Variants in PHRF1 observed in about 807,000 individuals in gnomAD.
The protein encoded by PHRF1 is PHD and ring finger domains 1, also known as PHD and RING finger domain-containing protein 1.
Under a neutral mutation model 128.9 loss-of-function variants are expected in PHRF1, and 53 were observed. That is an observed-to-expected ratio of 0.41 (90% CI 0.33 to 0.52). PHRF1 has a LOEUF of 0.52. Among genes scored for constraint, PHRF1 ranks in the 20% least tolerant of loss-of-function variants. PHRF1 has a pLI of 0.21. For synonymous variants in PHRF1, 1,178 were observed against 980.6 expected, an observed-to-expected ratio of 1.20 and a Z score of -3.76; for missense variants, 2,503 against 2,284.5, an observed-to-expected ratio of 1.10 and a Z score of -1.95.
intron 5 of PHRF1, 138 bp from the exon 6 acceptor site, chr11:592,421 G>GGGAGAC (rs1855029772): frequency 1.3e-6 from 1 of 781,746 alleles, no homozygotes; most frequent in African/African-American, 1.7e-5. Flanking sequence ...TACACGTGGA[G>GGGAGAC]GGAGACCCTC....
chr11:607,461 C>T lies in PHRF1; in HGVS notation c.2005C>T (p.Pro669Ser). ...TGTGGTGCCGGGGCCTCCCCTGAAG[C>T]CAGCGCCCAGAAGAACAGACATCTC... is the stretch of plus-strand genomic sequence containing the variant. ...RSVVPGPPLK[P>S]APRRTDISEL... The change falls in exon 14 of 18, where the codon CCA becomes TCA. Residue 669 changes from proline (P) to serine (S), a missense_variant. Coordinates refer to ENST00000264555, the MANE Select transcript of PHRF1 (RefSeq NM_001286581.2). 6.2e-7 allele frequency: 1 copy of T among 1,612,824 alleles called. No individual in the cohort carries two copies. The highest frequency in any genetic ancestry group is 1.7e-5 in the Admixed American group (1 of 60,024).
At chr11:579,941 G>A (rs1319052020) in intron 1 of PHRF1, among the ~76,000 whole-genome samples, 2 of 152,214 alleles carry the variant, frequency 1.3e-5, no homozygotes, top group East Asian at 1.9e-4. Flanking sequence ...TTTCCAGACA[G>A]CAGTGGCGCT....
chr11:590,792 C>T lies in PHRF1; in HGVS notation c.421-592C>T, dbSNP rs529604382. On this transcript the variant is annotated intron_variant, in intron 4 of 17. Transcript: ENST00000264555. Reference sequence around the variant, plus strand: ...CATCTCGGCTCACCGCAACCTCAGCCTCTCGGGTTCAAACGATTCTCCTGC... The same window carrying T: ...CATCTCGGCTCACCGCAACCTCAGCTTCTCGGGTTCAAACGATTCTCCTGC... Among the ~76,000 whole-genome samples the T allele has an allele frequency of 2.0e-5, 3 of 152,268 alleles. No individual in the cohort carries two copies. The South Asian group carries it at 6.2e-4, about 32-fold the overall frequency.
rs934433691 is a variant in PHRF1, at chr11:603,493, A to C, written c.1153-1626A>C. Among the ~76,000 whole-genome samples, 5 of 151,982 alleles carry C rather than the reference A, an allele frequency of 3.3e-5. 1 individual carries two copies. In the South Asian group the frequency reaches 1.0e-3, roughly 32 times the overall value. ...TGGGACCACAGGCTCACGCCACCTC[A>C]CCTAGCTAATTTTCTTTTTTTGGTG... On this transcript the variant is annotated intron_variant, in intron 10 of 17. Coordinates refer to ENST00000264555, the MANE Select transcript of PHRF1 (RefSeq NM_001286581.2).
Position 609,319 on chromosome 11 carries a change from C to T in PHRF1, c.3863C>T (p.Ser1288Leu), listed in dbSNP as rs769187852. 3.7e-6 allele frequency: 6 copies of T among 1,612,508 alleles called. No homozygotes were observed. The highest frequency in any genetic ancestry group is 1.1e-5 in the South Asian group (1 of 91,088). The change falls in exon 14 of 18, where the codon TCG becomes TTG. Residue 1288 changes from serine to leucine, a missense_variant. Coordinates refer to ENST00000264555, the MANE Select transcript of PHRF1 (RefSeq NM_001286581.2). The stretch of plus-strand genomic sequence containing the variant: ...TTCATCCAGCTCGATGACATGAGCT[C>T]GCCACCTTCTCCCGAAAGCACAGAC... ...AVFIQLDDMSSPPSPESTDSS... is the reference protein window; with the variant it reads ...AVFIQLDDMSLPPSPESTDSS...
chr11:579,254 C>T lies in PHRF1; in HGVS notation c.-21-2238C>T, dbSNP rs72841255. On this transcript the variant is annotated intron_variant, in intron 1 of 17. Transcript: ENST00000264555. ...CCTGCTCCTCCCCCCAGCCCTGCTC[C>T]TCCCCCCAGCCCTGCTCTGTTATCT... 1.7e-3 allele frequency among the ~76,000 whole-genome samples: 247 copies of T among 149,552 alleles called. 2 individuals carry two copies. Among genetic ancestry groups the T allele is most frequent in the Middle Eastern group, 6.8e-3 (2 of 292 alleles).
Position 608,637 on chromosome 11 carries a change from A to C in PHRF1, c.3181A>C (p.Ser1061Arg). Reference protein sequence around the residue: ...SRRSSSDRSSSRERAKRKKAK... With the variant: ...SRRSSSDRSSRRERAKRKKAK... ...GCGGTCCTCCAGTGACCGCTCCAGCAGCCGAGAGCGAGCTAAGAGGAAGAA... is the reference window on the plus strand; with the variant it reads ...GCGGTCCTCCAGTGACCGCTCCAGCCGCCGAGAGCGAGCTAAGAGGAAGAA... Residue 1061 changes from serine to arginine, a missense_variant, in exon 14 of 18, where the codon AGC (serine) becomes CGC (arginine). Physicochemically the swap from Ser to Arg is moderately radical, Grantham distance 110. Transcript: ENST00000264555. 1.2e-6 allele frequency: 2 copies of C among 1,612,424 alleles called. No individual in the cohort carries two copies. Among genetic ancestry groups the C allele is most frequent in the South Asian group, 2.2e-5 (2 of 91,056 alleles).
At chr11:586,171 CT>C (rs1478841835) in intron 3 of PHRF1, among the ~76,000 whole-genome samples, 6 of 152,134 alleles carry the variant, frequency 3.9e-5, no homozygotes, top group Admixed American at 2.6e-4. Flanking sequence ...ATTTTTTGTA[CT>C]TTTAGTAGAG....
chr11:610,363 G>T lies in PHRF1; in HGVS notation c.4416+16G>T. 6.4e-7 allele frequency: 1 copy of T among 1,550,490 alleles called. No homozygotes were observed. The highest frequency in any genetic ancestry group is 2.4e-5 in the East Asian group (1 of 41,762). ...CCCCTCTCAGGTGGGTGTCTGGGCT[G>T]GAGGGCTGTGGGCCGTGGGCAGTGG... is the stretch of plus-strand genomic sequence containing the variant. On this transcript the variant is annotated intron_variant, in intron 15 of 17. Transcript: ENST00000264555.
chr11:588,183 C>T (rs894425772), intron 4 of PHRF1, among the ~76,000 whole-genome samples: 1 of 152,090 alleles, frequency 6.6e-6, no homozygotes, highest in Non-Finnish European at 1.5e-5. Flanking sequence ...TTCCTAGTGA[C>T]TGGGTCCTCC....
At chr11:590,214 C>T (rs949604795) in intron 4 of PHRF1, among the ~76,000 whole-genome samples, 2 of 152,234 alleles carry the variant, frequency 1.3e-5, no homozygotes, top group African/African-American at 4.8e-5. Context: ...TAGGAGGGCA[C>T]CCCAGACTCC....
chr11:608,986 G>A lies in PHRF1; in HGVS notation c.3530G>A (p.Arg1177Gln), dbSNP rs781782140. 3.1e-6 allele frequency: 5 copies of A among 1,606,406 alleles called. No homozygotes were observed. The highest frequency in any genetic ancestry group is 1.3e-5 in the African/African-American group (1 of 74,804). Residue 1177 changes from arginine to glutamine, a missense_variant, in exon 14 of 18, where the codon CGG (arginine) becomes CAG (glutamine). By Grantham distance (43) the Arg-to-Gln change is conservative. Coordinates refer to ENST00000264555, the MANE Select transcript of PHRF1 (RefSeq NM_001286581.2). ...GAGCACAGGGCACGGGAGCACAGGC[G>A]GCCTCGGTCCCGTGAGAAGTGGCCG... ...SSEHRAREHR[R>Q]PRSREKWPQT...
chr11:600,510 A>G (rs1855568138), intron 9 of PHRF1, among the ~76,000 whole-genome samples: 2 of 145,960 alleles, frequency 1.4e-5, no homozygotes, highest in Admixed American at 6.9e-5. Flanking sequence ...ATATATATAT[A>G]TATATATATG....
rs1330463027 is a variant in PHRF1 at position 592,348 on chromosome 11, C to T, written c.505-211C>T. Among the ~76,000 whole-genome samples the T allele has an allele frequency of 3.3e-5, 5 of 152,016 alleles. No homozygotes were observed. In the East Asian group the frequency reaches 9.7e-4, roughly 29 times the overall value. ...CTTTCCGTGCATCATACTTTGTTTT[C>T]TGTTGAATACTTTCCTCTTAGATCA... On this transcript the variant is annotated intron_variant, in intron 5 of 17. Transcript: ENST00000264555.
chr11:603,689 C>T (rs959679510), intron 10 of PHRF1, among the ~76,000 whole-genome samples: 7 of 146,250 alleles, frequency 4.8e-5, no homozygotes, highest in Non-Finnish European at 9.0e-5. Flanking sequence ...TAAATATAAA[C>T]TCATATAATA....
Position 609,454 on chromosome 11 carries a change from A to G in PHRF1, c.3998A>G (p.Gln1333Arg), listed in dbSNP as rs746183722. ...TTGATGCACGATGAAGACCCTTCGC[A>G]GCCCCCACCCCTGCCAGAGGGCACC... ...VSLMHDEDPS[Q>R]PPPLPEGTQE... The change falls in exon 14 of 18, where the codon CAG (glutamine) becomes CGG (arginine). Residue 1333 changes from glutamine (Q) to arginine (R), a missense_variant. By Grantham distance (43) the Gln-to-Arg change is conservative. Coordinates refer to ENST00000264555, the MANE Select transcript of PHRF1 (RefSeq NM_001286581.2). The G allele has an allele frequency of 6.8e-6, 11 of 1,606,042 alleles. No homozygotes were observed. Among genetic ancestry groups the G allele is most frequent in the South Asian group, 2.2e-5 (2 of 90,966 alleles).
Position 607,154 on chromosome 11 carries a change from C to T in PHRF1, c.1698C>T (p.Ser566=), listed in dbSNP as rs189466293. Residue 566 remains serine, a synonymous_variant, in exon 14 of 18, where the codon TCC becomes TCT. Transcript: ENST00000264555. ...KGCLQPRALP[S]GSPAQGPSGN... ...GCCTGCAGCCCCGAGCACTGCCCTC[C>T]GGGAGCCCGGCCCAAGGCCCGTCAG... 99 of 1,612,962 alleles carry T rather than the reference C, an allele frequency of 6.1e-5. No homozygotes were observed. Among genetic ancestry groups the T allele is most frequent in the African/African-American group, 1.5e-4 (11 of 75,070 alleles).
In PHRF1 at chr11:587,271, C is replaced by G; in HGVS notation, c.227C>G (p.Ser76Cys). 2 of 1,613,412 alleles carry G rather than the reference C, an allele frequency of 1.2e-6. No individual in the cohort carries two copies. The highest frequency in any genetic ancestry group is 2.2e-5 in the South Asian group (2 of 91,064). Residue 76 changes from serine (S) to cysteine (C), a missense_variant, in exon 4 of 18, where the codon TCT (serine) becomes TGT (cysteine). Physicochemically the swap from Ser to Cys is moderately radical, Grantham distance 112. Coordinates refer to ENST00000264555, the MANE Select transcript of PHRF1 (RefSeq NM_001286581.2). Reference protein sequence around the residue: ...DLEDRSGSEDSEDDGETLLEV... With the variant: ...DLEDRSGSEDCEDDGETLLEV... ...GTTTCCTCTCCAGGTTCCGAGGATT[C>G]TGAAGACGACGGGGAGACATTGCTG...
In PHRF1 at chr11:608,588, G is replaced by T; in HGVS notation, c.3132G>T (p.Arg1044Ser). The change falls in exon 14 of 18, where the codon AGG becomes AGT. Residue 1044 changes from arginine (R) to serine (S), a missense_variant. Transcript: ENST00000264555. ...SPSVGEERPRRQRSKAKSRRS... is the reference protein window; with the variant it reads ...SPSVGEERPRSQRSKAKSRRS... ...CAGTGGGTGAGGAGCGCCCCAGGAG[G>T]CAGCGGTCCAAGGCCAAGAGCCGGC... 1 of 1,612,234 alleles carries T rather than the reference G, an allele frequency of 6.2e-7. No homozygotes were observed. The highest frequency in any genetic ancestry group is 8.5e-7 in the Non-Finnish European group (1 of 1,179,794).
Sources: allele counts gnomAD v4.1 joint callset (sites outside exome capture counted in the v4.1 genomes callset), GRCh38; gene constraint gnomAD v4.1.1; transcripts MANE v1.5; gene names NCBI Gene and HGNC (gene_info 2026-07-23, HGNC 2026-07-21).